The following CREB5 variants were observed in gnomAD, a reference collection of about 807,000 sequenced individuals.
CREB5 encodes the protein cyclic AMP-responsive element-binding protein 5.
A neutral mutation model predicts 57.1 loss-of-function variants in CREB5; 19 were observed. That is an observed-to-expected ratio of 0.33 (90% confidence interval 0.23 to 0.49). The LOEUF (loss-of-function observed/expected upper bound fraction) is 0.49. Among genes scored for constraint, CREB5 ranks in the 20% least tolerant of loss-of-function variants. The pLI is 0.99. For synonymous variants in CREB5, 238 were observed against 238.3 expected (o/e 1.00, Z 0.01); for missense variants, 579 against 671.6 (o/e 0.86, Z 1.52).
At chr7:28,382,358 C>T (rs540308526) in intron 1 of CREB5, among the ~76,000 whole-genome samples, 30 of 152,250 alleles carry the variant, frequency 2.0e-4, no homozygotes, top group African/African-American at 6.5e-4. Flanking sequence ...GAAGCAAAAC[C>T]ATCTGGGTTT....
In CREB5 at chr7:28,367,847, C is replaced by G. The variant is rs565689286; in HGVS notation, c.-25+68406C>G. On this transcript the variant is annotated intron_variant, in intron 1 of 9. Coordinates refer to the CREB5 transcript ENST00000396299. ...GACAAACAAACAAACAAACAAAAAACAACAAAGAAACACAAAACATATTCT... is the reference window on the plus strand; with the variant it reads ...GACAAACAAACAAACAAACAAAAAAGAACAAAGAAACACAAAACATATTCT... Among the ~76,000 whole-genome samples the G allele has an allele frequency of 8.7e-4, 132 of 152,160 alleles. 1 individual carries two copies. Among genetic ancestry groups the G allele is most frequent in the African/African-American group, 3.1e-3 (127 of 41,526 alleles).
intron 1 of CREB5, among the ~76,000 whole-genome samples, chr7:28,319,004 G>A (rs147476803): frequency 0.011 from 1,616 of 152,258 alleles, 7 homozygotes; most frequent in Non-Finnish European, 0.013. Flanking sequence ...AAGGAAGCCC[G>A]CTTATCTGTA....
chr7:28,654,373 G>A (rs986620475), intron 5 of CREB5, among the ~76,000 whole-genome samples: 2 of 152,162 alleles, frequency 1.3e-5, no homozygotes, highest in African/African-American at 2.4e-5. Context: ...CTTTATGTGC[G>A]TAATACAGTA....
intron 5 of CREB5, among the ~76,000 whole-genome samples, chr7:28,679,689 C>T (rs952059076): frequency 6.6e-6 from 1 of 152,190 alleles, no homozygotes; most frequent in Admixed American, 6.5e-5. Flanking sequence ...CATTGCCTCT[C>T]CTGATTCCAG....
In CREB5 at chr7:28,681,809, A is replaced by G. The variant is rs184997395; in HGVS notation, c.465-36944A>G. ...AGCTGAGGATTGTATTCATTCATTC[A>G]CTCATTCATTTATTCAACAAATATT... On this transcript the variant is annotated intron_variant, in intron 5 of 10. Transcript: ENST00000357727. Among the ~76,000 whole-genome samples the G allele has an allele frequency of 1.1e-3, 174 of 152,272 alleles. 1 individual carries two copies. The highest frequency in any genetic ancestry group is 3.9e-3 in the African/African-American group (162 of 41,554).
At chr7:28,619,697 C>T (rs1448353777) in intron 5 of CREB5, among the ~76,000 whole-genome samples, 1 of 152,156 alleles carries the variant, frequency 6.6e-6, no homozygotes, top group Non-Finnish European at 1.5e-5. Context: ...ATAAAACTAT[C>T]ATTCATGAAA....
chr7:28,559,357 C>T (rs999970463), intron 4 of CREB5, among the ~76,000 whole-genome samples: 2 of 152,198 alleles, frequency 1.3e-5, no homozygotes, highest in African/African-American at 4.8e-5. Flanking sequence ...GGCTGTCACC[C>T]AGGCTGGAGT....
chr7:28,363,482 C>T (rs1386177474), intron 1 of CREB5, among the ~76,000 whole-genome samples: 3 of 151,982 alleles, frequency 2.0e-5, no homozygotes, highest in Non-Finnish European at 4.4e-5. Flanking sequence ...TCTTCGAAGA[C>T]CATCTCAAGC....
chr7:28,525,326 C>A (rs1343830525), intron 4 of CREB5, among the ~76,000 whole-genome samples: 2 of 151,828 alleles, frequency 1.3e-5, no homozygotes, highest in African/African-American at 4.8e-5. Context: ...GTTTTATTTC[C>A]TTTGGATAAA....
At chr7:28,355,252 C>T (rs2127991209) in intron 1 of CREB5, among the ~76,000 whole-genome samples, 1 of 152,288 alleles carries the variant, frequency 6.6e-6, no homozygotes, top group East Asian at 1.9e-4. Context: ...TGAAAGCGTG[C>T]ATGTGCAGCA....
At chr7:28,305,927 G>C (rs190092785) in intron 1 of CREB5, among the ~76,000 whole-genome samples, 4,222 of 146,246 alleles carry the variant, frequency 0.029, 162 homozygotes, top group African/African-American at 0.097. Context: ...TAGTGTGTGC[G>C]TGTGTGTGTG....
intron 1 of CREB5, among the ~76,000 whole-genome samples, chr7:28,446,974 A>C (rs1789511015): frequency 6.6e-6 from 1 of 152,152 alleles, no homozygotes; most frequent in Non-Finnish European, 1.5e-5. Context: ...CCCATCTGTG[A>C]CAGGTAGTAG....
At chr7:28,726,983 C>T (rs894215145) in intron 7 of CREB5, among the ~76,000 whole-genome samples, 5 of 151,844 alleles carry the variant, frequency 3.3e-5, no homozygotes, top group Non-Finnish European at 7.4e-5. Context: ...AGTGATTGCC[C>T]ATTAGAATGC....
At chr7:28,718,639 C>A in intron 5 of CREB5, 114 bp from the exon 6 acceptor site, 1 of 1,381,488 alleles carries the variant, frequency 7.2e-7, no homozygotes, top group Non-Finnish European at 9.8e-7. Flanking sequence ...ACTCTCCCAT[C>A]AGTGGATCTG....
intron 3 of CREB5, among the ~76,000 whole-genome samples, chr7:28,497,451 A>T (rs940927069): frequency 6.6e-6 from 1 of 152,204 alleles, no homozygotes; most frequent in East Asian, 1.9e-4. Context: ...CAAATTTGGA[A>T]TGAGAAAATG....
intron 5 of CREB5, among the ~76,000 whole-genome samples, chr7:28,691,847 T>C (rs1392334360): frequency 6.6e-6 from 1 of 152,020 alleles, no homozygotes; most frequent in African/African-American, 2.4e-5. Context: ...GAAAATAGGC[T>C]GGGCCAATCT....
rs71555745 is a variant in CREB5 at position 28,464,496 on chromosome 7, C to CGTGTGTGTGT, written c.4-23646_4-23637dup. The stretch of plus-strand genomic sequence containing the variant: ...CTGATCTCTCCTTTGTGGAAAGTTG[C>CGTGTGTGTGT]GTGTGTGTGTGTGTGTGTGTGTGTG... On this transcript the variant is annotated intron_variant, in intron 1 of 10. Transcript: ENST00000357727. 7.5e-3 allele frequency among the ~76,000 whole-genome samples: 1,042 copies of CGTGTGTGTGT among 139,632 alleles called. 9 individuals carry two copies. The highest frequency in any genetic ancestry group is 0.021 in the African/African-American group (759 of 36,758). 91.6% of individuals were successfully genotyped at this position (139,632 alleles called of 152,430 possible).
chr7:28,801,549 A>G (rs1437809513), intron 7 of CREB5, among the ~76,000 whole-genome samples: 1 of 152,172 alleles, frequency 6.6e-6, no homozygotes, highest in African/African-American at 2.4e-5. Flanking sequence ...AGTTTTTAAA[A>G]TTACATGCTA....
intron 7 of CREB5, among the ~76,000 whole-genome samples, chr7:28,732,815 G>A (rs554822335): frequency 6.2e-4 from 92 of 148,486 alleles, no homozygotes; most frequent in African/African-American, 2.2e-3. Flanking sequence ...AGACAGAGGA[G>A]GCAAAGTTTT....
Sources: allele counts gnomAD v4.1 joint callset (sites outside exome capture counted in the v4.1 genomes callset), GRCh38; gene constraint gnomAD v4.1.1; transcripts MANE v1.5; gene names NCBI Gene and HGNC (gene_info 2026-07-23, HGNC 2026-07-21).